DIP2A: variants seen among roughly 807,000 people sequenced by gnomAD.
DIP2A encodes disco-interacting protein 2 homolog A.
In DIP2A, 85 loss-of-function variants were observed where a neutral mutation model predicts 177.4. The ratio of observed to expected loss-of-function variants is 0.48; its 90% CI spans 0.40 to 0.57. The LOEUF (loss-of-function observed/expected upper bound fraction) is 0.57, where lower values mean the gene tolerates loss of function less well. Among genes scored for constraint, DIP2A ranks in the 20% least tolerant of loss-of-function variants. The pLI, the probability that DIP2A is intolerant of heterozygous loss-of-function variation, is 0.00. For synonymous variants in DIP2A, 886 were observed against 881.8 expected (o/e 1.00, Z -0.08); for missense variants, 1,791 against 2,100.2 (o/e 0.85, Z 2.88).
At chr21:46,483,641 G>C (rs1470276558) in intron 1 of DIP2A, among the ~76,000 whole-genome samples, 1 of 152,234 alleles carries the variant, frequency 6.6e-6, no homozygotes, top group Non-Finnish European at 1.5e-5. Flanking sequence ...TTAGATGTCA[G>C]ATATTCAACG....
intron 8 of DIP2A, among the ~76,000 whole-genome samples, chr21:46,518,554 C>G (rs1171797024): frequency 6.6e-6 from 1 of 152,168 alleles, no homozygotes; most frequent in Non-Finnish European, 1.5e-5. Context: ...GAATCTTTTA[C>G]ACATTTTTTC....
Position 46,565,037 on chromosome 21 carries a change from G to A in DIP2A, c.4165-676G>A, listed in dbSNP as rs191785309. ...CTTTCAGACGCTGCCATGCAGGGGC[G>A]TCTTAGAGCCAGTCGAACTGACCGT... On this transcript the variant is annotated intron_variant, in intron 35 of 37. Transcript: ENST00000417564. Among the ~76,000 whole-genome samples the A allele has an allele frequency of 1.7e-4, 26 of 152,356 alleles. No homozygotes were observed. The East Asian group carries it at 3.7e-3, about 21-fold the overall frequency.
chr21:46,573,770 G>A (rs1361096688), downstream of DIP2A, among the ~76,000 whole-genome samples: 1 of 149,604 alleles, frequency 6.7e-6, no homozygotes, highest in South Asian at 2.1e-4. Context: ...AGAAATGATG[G>A]ACATTAATAA....
chr21:46,474,527 C>T (rs1169028007), intron 1 of DIP2A, among the ~76,000 whole-genome samples: 1 of 152,150 alleles, frequency 6.6e-6, no homozygotes, highest in Non-Finnish European at 1.5e-5. Context: ...GCAGCTGAGG[C>T]AGGGAAATGT....
chr21:46,548,055 G>C (rs1360058573), intron 21 of DIP2A, among the ~76,000 whole-genome samples: 3 of 152,144 alleles, frequency 2.0e-5, no homozygotes, highest in Non-Finnish European at 4.4e-5. Flanking sequence ...GCAATCGTGA[G>C]GGGATTCTGC....
At chr21:46,560,954 G>T (rs2060641968) in intron 33 of DIP2A, 171 bp downstream of exon 33, 1 of 985,346 alleles carries the variant, frequency 1.0e-6, no homozygotes, top group South Asian at 4.7e-5. Context: ...GGCTACATTG[G>T]GCCATCTGCA....
chr21:46,459,238 C>T lies in DIP2A; in HGVS notation c.91+16C>T, dbSNP rs2054052177. On this transcript the variant is annotated intron_variant, in intron 1 of 37. Transcript: ENST00000417564. Reference sequence around the variant, plus strand: ...CTGTCGGAAGGTGAGCCGGACCCCGCCCTCAACCCCCGCGACCCGCCCTCA... The same window carrying T: ...CTGTCGGAAGGTGAGCCGGACCCCGTCCTCAACCCCCGCGACCCGCCCTCA... 1 of 1,516,036 alleles carries T rather than the reference C, an allele frequency of 6.6e-7. No individual in the cohort carries two copies. Among genetic ancestry groups the T allele is most frequent in the African/African-American group, 1.5e-5 (1 of 68,928 alleles). The allele number at this position is 1,516,036 out of a possible 1,614,324, so 93.9% of individuals were successfully genotyped here.
chr21:46,492,626 A>G (rs919456386), intron 3 of DIP2A, among the ~76,000 whole-genome samples: 1 of 152,036 alleles, frequency 6.6e-6, no homozygotes, highest in South Asian at 2.1e-4. Context: ...TTTAGATGAG[A>G]TCATGAGGGT....
At chr21:46,524,124 A>T (rs1387607539) in intron 8 of DIP2A, among the ~76,000 whole-genome samples, 4 of 152,172 alleles carry the variant, frequency 2.6e-5, no homozygotes, top group Admixed American at 2.6e-4. Flanking sequence ...GATCCTGTAC[A>T]TGCCTAACCT....
At position 46,546,955 on chromosome 21, in the gene DIP2A, T is replaced by C. The variant is rs2060074841; in HGVS notation, c.2435T>C (p.Met812Thr). 1 of 1,613,832 alleles carries C rather than the reference T, an allele frequency of 6.2e-7. No individual in the cohort carries two copies. The highest frequency in any genetic ancestry group is 8.5e-7 in the Non-Finnish European group (1 of 1,179,882). The change falls in exon 21 of 38, where the codon ATG (methionine) becomes ACG (threonine). Residue 812 changes from methionine (M) to threonine (T), a missense_variant. Transcript: ENST00000417564. ...VFIVGKLDGL[M>T]VTGVRRHNAD... ...ATCGTGGGCAAACTGGACGGGCTGA[T>C]GGTCACTGGAGTTCGCAGACACAAT... is the stretch of plus-strand genomic sequence containing the variant.
intron 7 of DIP2A, among the ~76,000 whole-genome samples, chr21:46,510,899 C>T (rs1029980450): frequency 2.6e-5 from 4 of 152,204 alleles, no homozygotes; most frequent in African/African-American, 9.6e-5. Context: ...TCCCAAAGTG[C>T]TGGGATTACA....
the DIP2A span, among the ~76,000 whole-genome samples, chr21:46,583,548 T>A: frequency 2.0e-5 from 3 of 152,230 alleles, no homozygotes; most frequent in Non-Finnish European, 4.4e-5. Flanking sequence ...TGATATAGTT[T>A]GAATTTTTGT....
intron 8 of DIP2A, among the ~76,000 whole-genome samples, chr21:46,528,074 C>T (rs1392283732): frequency 6.6e-6 from 1 of 152,112 alleles, no homozygotes; most frequent in Non-Finnish European, 1.5e-5. Flanking sequence ...TTCCTGGGCC[C>T]TGTGCCTGGC....
intron 33 of DIP2A, chr21:46,561,302 T>C: frequency 3.4e-6 from 1 of 294,860 alleles, no homozygotes; most frequent in Non-Finnish European, 6.5e-6. Flanking sequence ...CTGACTTAGT[T>C]TCATCTTGAT....
chr21:46,464,778 T>A (rs1255556661), intron 1 of DIP2A, among the ~76,000 whole-genome samples: 3 of 151,376 alleles, frequency 2.0e-5, no homozygotes, highest in Non-Finnish European at 4.4e-5. Flanking sequence ...CACTGCTGCA[T>A]TGGGCACTGA....
chr21:46,582,866 T>C, the DIP2A span, among the ~76,000 whole-genome samples: 2 of 152,150 alleles, frequency 1.3e-5, no homozygotes, highest in African/African-American at 4.8e-5. Context: ...AATTATATAA[T>C]GGTAAGACTA....
chr21:46,496,861 G>T (rs1652719624), intron 3 of DIP2A, 127 bp from the exon 4 acceptor site: 1 of 866,080 alleles, frequency 1.2e-6, no homozygotes. Flanking sequence ...ACCAACATGT[G>T]AGGATAGACA....
At chr21:46,479,982 C>T (rs1318344115) in intron 1 of DIP2A, among the ~76,000 whole-genome samples, 4 of 152,060 alleles carry the variant, frequency 2.6e-5, no homozygotes, top group Non-Finnish European at 5.9e-5. Context: ...GTGAATGGTG[C>T]CACCGTGCAA....
chr21:46,464,844 T>TTTTTTTTTTTA (rs58546395), intron 1 of DIP2A, among the ~76,000 whole-genome samples: 1 of 111,218 alleles, frequency 9.0e-6, no homozygotes, highest in African/African-American at 4.2e-5. Context: ...TTTTTTTTTT[T>TTTTTTTTTTTA]CAAGAAAACA....
Sources: gnomAD v4.1 joint callset for allele counts (sites outside exome capture counted in the v4.1 genomes callset) on GRCh38, gnomAD v4.1.1 for gene constraint, MANE v1.5 for transcripts, NCBI Gene and HGNC (gene_info 2026-07-23, HGNC 2026-07-21) for gene names.